Variants in GABRP observed in about 807,000 individuals in gnomAD.
The protein encoded by GABRP is gamma-aminobutyric acid type A receptor subunit pi.
A neutral mutation model predicts 47.8 loss-of-function variants in GABRP; 52 were observed. The observed-to-expected ratio is 1.09, with a 90% CI of 0.87 to 1.37. The LOEUF (loss-of-function observed/expected upper bound fraction) is 1.37, where lower values mean the gene tolerates loss of function less well. Ranked by LOEUF, GABRP falls within the 40% of genes most tolerant of loss-of-function variation. The probability of loss-of-function intolerance (pLI) is 0.00; values close to 1 mark genes in which losing one functional copy is unlikely to be tolerated. For missense variants in GABRP, 525 were observed against 542.8 expected, an observed-to-expected ratio of 0.97 and a Z score of 0.33; for synonymous variants, 221 against 205.8, an observed-to-expected ratio of 1.07 and a Z score of -0.63.
intron 3 of GABRP, 93 bp downstream of exon 3, chr5:170,789,340 A>G (rs1765206263): frequency 4.2e-6 from 3 of 714,090 alleles, no homozygotes; most frequent in Non-Finnish European, 4.8e-6. Flanking sequence ...AGTTGACTCC[A>G]TTTTCTGATC....
At chr5:170,796,733 G>A (rs186904831) in intron 5 of GABRP, among the ~76,000 whole-genome samples, 12 of 152,278 alleles carry the variant, frequency 7.9e-5, no homozygotes, top group African/African-American at 2.6e-4. Flanking sequence ...CTCCCTAAAG[G>A]GAGTGTGAGT....
At chr5:170,799,864 A>T (rs1389254495) in intron 6 of GABRP, among the ~76,000 whole-genome samples, 1 of 152,238 alleles carries the variant, frequency 6.6e-6, no homozygotes, top group Non-Finnish European at 1.5e-5. Context: ...ATGGAAGAAC[A>T]GTCCATGCTC....
At chr5:170,793,973 T>G in intron 3 of GABRP, among the ~76,000 whole-genome samples, 1 of 152,274 alleles carries the variant, frequency 6.6e-6, no homozygotes. Context: ...GCATTAATTA[T>G]GCAGGTAGTC....
intron 1 of GABRP, among the ~76,000 whole-genome samples, chr5:170,787,994 AT>A (rs1765169565): frequency 6.6e-6 from 1 of 152,200 alleles, no homozygotes; most frequent in African/African-American, 2.4e-5. Flanking sequence ...AACTGGCTGC[AT>A]TTCTGGTGCT....
intron 5 of GABRP, among the ~76,000 whole-genome samples, chr5:170,796,370 G>A (rs1009375347): frequency 6.6e-6 from 1 of 152,198 alleles, no homozygotes; most frequent in African/African-American, 2.4e-5. Flanking sequence ...ATGTGTGAAT[G>A]TGGATGTGTG....
At chr5:170,787,408 C>T (rs1252930443) in intron 1 of GABRP, among the ~76,000 whole-genome samples, 1 of 152,218 alleles carries the variant, frequency 6.6e-6, no homozygotes, top group Non-Finnish European at 1.5e-5. Context: ...TGGCTACCCC[C>T]TGCTCCCTCA....
chr5:170,804,628 G>C (rs1765681453), intron 6 of GABRP, among the ~76,000 whole-genome samples: 1 of 151,962 alleles, frequency 6.6e-6, no homozygotes, highest in African/African-American at 2.4e-5. Context: ...CTTTTTGTTT[G>C]CTTATGAACC....
intron 6 of GABRP, among the ~76,000 whole-genome samples, chr5:170,800,012 A>G (rs1477283375): frequency 1.3e-5 from 2 of 152,220 alleles, no homozygotes; most frequent in Non-Finnish European, 2.9e-5. Context: ...ATATGGAACC[A>G]AAAAAGAGCC....
intron 6 of GABRP, among the ~76,000 whole-genome samples, chr5:170,799,623 G>T (rs1765533466): frequency 6.6e-6 from 1 of 152,068 alleles, no homozygotes; most frequent in Non-Finnish European, 1.5e-5. Context: ...CTTTTTGATG[G>T]GGTTGTTTGT....
At chr5:170,785,452 A>C (rs1177070683) in intron 1 of GABRP, among the ~76,000 whole-genome samples, 2 of 152,188 alleles carry the variant, frequency 1.3e-5, no homozygotes, top group Admixed American at 1.3e-4. Flanking sequence ...CTAACAATTC[A>C]TGGGCATTTA....
chr5:170,795,481 CAGATGTGTCTTGGGT>C, intron 5 of GABRP, 56 bp downstream of exon 5: 1 of 1,399,562 alleles, frequency 7.1e-7, no homozygotes, highest in Non-Finnish European at 1.0e-6. Context: ...AGAAAACATG[CAGATGTGTCTTGGGT>C]AGTTGTGACC....
chr5:170,810,052 T>C (rs1415984155), intron 9 of GABRP: 1 of 669,578 alleles, frequency 1.5e-6, no homozygotes, highest in Admixed American at 2.1e-5. Context: ...AAGAATCCAA[T>C]ATGAAAAAAA....
chr5:170,807,740 A>G (rs1433734969), intron 7 of GABRP, among the ~76,000 whole-genome samples: 1 of 152,092 alleles, frequency 6.6e-6, no homozygotes, highest in Non-Finnish European at 1.5e-5. Flanking sequence ...TTTTTATTCT[A>G]TACTATATTT....
intron 1 of GABRP, 27 bp from the exon 2 acceptor site, chr5:170,788,547 C>T: frequency 6.5e-7 from 1 of 1,528,704 alleles, no homozygotes; most frequent in Non-Finnish European, 9.1e-7. Context: ...GCACGGCCTT[C>T]CACTTACCTT....
At chr5:170,809,123 G>T (rs1270381257) in intron 8 of GABRP, among the ~76,000 whole-genome samples, 2 of 152,112 alleles carry the variant, frequency 1.3e-5, no homozygotes, top group Non-Finnish European at 2.9e-5. Flanking sequence ...TTTTAGTAGA[G>T]ATGGGGTTTC....
At chr5:170,799,033 TG>T (rs1423826628) in intron 6 of GABRP, among the ~76,000 whole-genome samples, 1 of 151,518 alleles carries the variant, frequency 6.6e-6, no homozygotes, top group Non-Finnish European at 1.5e-5. Flanking sequence ...ATGCGGTGTT[TG>T]GTTTTTTGTC....
At position 170,805,906 on chromosome 5, in the gene GABRP, G is replaced by A. The variant is rs1401821178; in HGVS notation, c.679+53G>A. 5 of 1,587,312 alleles carry A rather than the reference G, an allele frequency of 3.1e-6. No individual in the cohort carries two copies. The African/African-American group carries it at 4.0e-5, about 13-fold the overall frequency. On this transcript the variant is annotated intron_variant, in intron 7 of 9. Coordinates refer to ENST00000265294, the MANE Select transcript of GABRP (RefSeq NM_014211.3). ...TAAAAATAAGTGAACTGAGGTGTAGGGTTGCTCTCTGAGTCAGAAATATCG... is the reference window on the plus strand; with the variant it reads ...TAAAAATAAGTGAACTGAGGTGTAGAGTTGCTCTCTGAGTCAGAAATATCG...
rs777303060 is a variant in GABRP at position 170,812,297 on chromosome 5, A to C, written c.*39A>C. ...TTCTTGCATGCCATAGGTCTTCAAC[A>C]GGACAAGATAATGATGTAAATGGTA... On this transcript the variant is annotated 3_prime_UTR_variant, in exon 10 of 10. Coordinates refer to ENST00000265294, the MANE Select transcript of GABRP (RefSeq NM_014211.3). 2 of 1,507,082 alleles carry C rather than the reference A, an allele frequency of 1.3e-6. No homozygotes were observed. Among genetic ancestry groups the C allele is most frequent in the South Asian group, 1.2e-5 (1 of 85,298 alleles). 93.4% of individuals were successfully genotyped at this position (1,507,082 alleles called of 1,614,324 possible).
chr5:170,788,298 G>A (rs1359519601), intron 1 of GABRP: 3 of 234,056 alleles, frequency 1.3e-5, no homozygotes, highest in Non-Finnish European at 1.6e-5. Flanking sequence ...GCAGTGAACC[G>A]AGATCATGTC....
Sources: gnomAD v4.1 joint callset for allele counts (sites outside exome capture counted in the v4.1 genomes callset) on GRCh38, gnomAD v4.1.1 for gene constraint, MANE v1.5 for transcripts, NCBI Gene and HGNC (gene_info 2026-07-23, HGNC 2026-07-21) for gene names.